The following DUOXA1 variants were observed in gnomAD, a reference collection of about 807,000 sequenced individuals.
DUOXA1 encodes the protein dual oxidase activator 1.
Under a neutral mutation model 26.6 loss-of-function variants are expected in DUOXA1, and 19 were observed. The observed-to-expected ratio is 0.71, with a 90% CI of 0.50 to 1.05. DUOXA1 has a LOEUF of 1.05. Among genes scored for constraint, DUOXA1 ranks in the 50% least tolerant of loss-of-function variants. The pLI is 0.00. For synonymous variants in DUOXA1, 166 were observed against 177.0 expected (o/e 0.94, Z 0.49); for missense variants, 403 against 427.5 (o/e 0.94, Z 0.51).
chr15:45,120,430 G>T, intron 7 of DUOXA1, 110 bp from the exon 8 acceptor site: 11 of 1,479,222 alleles, frequency 7.4e-6, no homozygotes, highest in Non-Finnish European at 1.0e-5. Flanking sequence ...AAAGATATGA[G>T]GTAGGGATTC....
chr15:45,129,784 GC>G lies in DUOXA1; in HGVS notation c.-303+67del, dbSNP rs1317460881. 2 of 152,182 alleles carry G rather than the reference GC, an allele frequency of 1.3e-5. No individual in the cohort carries two copies. The highest frequency in any genetic ancestry group is 4.8e-5 in the African/African-American group (2 of 41,404). The allele number at this position is 152,182 out of a possible 1,614,324, so 9.4% of individuals were successfully genotyped here. ...TGCTTTTTTCGCCGTCCACACAACC[GC>G]ACTAGCCGGGCCTTCGGCACCGACG... On this transcript the variant is annotated intron_variant, in intron 1 of 8. Coordinates refer to ENST00000560572, the MANE Select transcript of DUOXA1 (RefSeq NM_001276266.2). The surrounding 1 kb of genome is among the most constrained non-coding windows in gnomAD (Gnocchi z 4.1).
chr15:45,121,324 T>C, intron 5 of DUOXA1, 103 bp from the exon 6 acceptor site: 2 of 1,540,848 alleles, frequency 1.3e-6, no homozygotes, highest in Non-Finnish European at 1.8e-6. Flanking sequence ...GTTTTGGTCA[T>C]AACTGGATAC....
At chr15:45,121,303 G>C in intron 5 of DUOXA1, 82 bp from the exon 6 acceptor site, 1 of 1,596,080 alleles carries the variant, frequency 6.3e-7, no homozygotes, top group Non-Finnish European at 8.6e-7. Context: ...AAATACAAGG[G>C]GTCCATGTCT....
chr15:45,126,522 C>T lies in DUOXA1; in HGVS notation c.-30+2496G>A, dbSNP rs1354492737. Among the ~76,000 whole-genome samples the T allele has an allele frequency of 4.6e-5, 7 of 152,250 alleles. No homozygotes were observed. The East Asian group carries it at 1.2e-3, about 25-fold the overall frequency. Reference sequence around the variant, plus strand: ...CCAATGTAGAGGTTCCCACTTTGAACATTCTGATTGCATTTTGAACATACC... The same window carrying T: ...CCAATGTAGAGGTTCCCACTTTGAATATTCTGATTGCATTTTGAACATACC... On this transcript the variant is annotated intron_variant, in intron 3 of 8. Transcript: ENST00000560572.
intron 3 of DUOXA1, among the ~76,000 whole-genome samples, chr15:45,126,054 A>G (rs16977750): frequency 0.015 from 2,347 of 152,270 alleles, 55 homozygotes; most frequent in East Asian, 0.11. Flanking sequence ...CCACTGGTCA[A>G]TCAAATAAGC....
Position 45,118,469 on chromosome 15 carries a change from AG to A in DUOXA1, c.*636del. On this transcript the variant is annotated 3_prime_UTR_variant, in exon 9 of 9. Transcript: ENST00000560572. ...TGAGGTGGTGTTTGAGGGCCAAGGT[AG>A]GTGTCAGCAAGGCATAGAAAGATAA... is the stretch of plus-strand genomic sequence containing the variant. 8.9e-6 allele frequency: 9 copies of A among 1,008,592 alleles called. No individual in the cohort carries two copies. The highest frequency in any genetic ancestry group is 1.1e-5 in the Non-Finnish European group (9 of 845,242). The allele number at this position is 1,008,592 out of a possible 1,614,324, so 62.5% of individuals were successfully genotyped here.
chr15:45,126,781 T>C (rs887408150), intron 3 of DUOXA1, among the ~76,000 whole-genome samples: 2 of 152,264 alleles, frequency 1.3e-5, no homozygotes, highest in Non-Finnish European at 1.5e-5. Context: ...TGCCCTGTGC[T>C]AATAATTCAA....
Position 45,120,776 on chromosome 15 carries a change from T to C in DUOXA1, c.370A>G (p.Ile124Val), listed in dbSNP as rs753409418. The change falls in exon 7 of 9, where the codon ATC (isoleucine) becomes GTC (valine). Residue 124 changes from isoleucine (I) to valine (V), a missense_variant. Coordinates refer to ENST00000560572, the MANE Select transcript of DUOXA1 (RefSeq NM_001276266.2). ...CAGGTGAACTCCTCGTTGTAATTGA[T>C]GGTCTCATTCAGCTGCTGCACGGGG... ...GTPVQQLNET[I>V]NYNEEFTWRL... 1.2e-6 allele frequency: 2 copies of C among 1,614,074 alleles called. No individual in the cohort carries two copies. The highest frequency in any genetic ancestry group is 1.3e-5 in the African/African-American group (1 of 75,002).
At chr15:45,122,772 CTCCT>C in intron 4 of DUOXA1, 92 bp downstream of exon 4, 1 of 1,438,768 alleles carries the variant, frequency 7.0e-7, no homozygotes. Context: ...GCACTGGGGT[CTCCT>C]TCCTTAGCCT....
chr15:45,124,146 TA>T (rs1369022783), intron 3 of DUOXA1, among the ~76,000 whole-genome samples: 1 of 152,234 alleles, frequency 6.6e-6, no homozygotes, highest in Non-Finnish European at 1.5e-5. Flanking sequence ...CTCCATAATT[TA>T]GTCTGACCAC....
chr15:45,119,651 C>A (rs1165170747), intron 8 of DUOXA1, among the ~76,000 whole-genome samples: 4 of 151,870 alleles, frequency 2.6e-5, no homozygotes, highest in Admixed American at 6.6e-5. Context: ...AAGAAAAAAA[C>A]CCTGGGGAAG....
chr15:45,119,316 C>T lies in DUOXA1; in HGVS notation c.822G>A (p.Met274Ile). The T allele has an allele frequency of 6.2e-7, 1 of 1,613,790 alleles. No homozygotes were observed. The highest frequency in any genetic ancestry group is 1.7e-5 in the Admixed American group (1 of 60,006). The change falls in exon 9 of 9, where the codon ATG becomes ATA. Residue 274 changes from methionine (M) to isoleucine (I), a missense_variant. Transcript: ENST00000560572. ...LGLAMAVAHR[M>I]QPHRLKAFFN... ...AGAAAGCCTTCAGCCTGTGAGGCTGCATCCTGTGGGCCACCGCCATAGCCA... is the reference window on the plus strand; with the variant it reads ...AGAAAGCCTTCAGCCTGTGAGGCTGTATCCTGTGGGCCACCGCCATAGCCA...
chr15:45,125,242 AT>A (rs1895578940), intron 3 of DUOXA1, among the ~76,000 whole-genome samples: 1 of 152,132 alleles, frequency 6.6e-6, no homozygotes, highest in African/African-American at 2.4e-5. Context: ...TATTCTGCGA[AT>A]CCATCCTCCT....
At chr15:45,122,136 G>A in intron 5 of DUOXA1, 49 bp downstream of exon 5, 1 of 1,558,986 alleles carries the variant, frequency 6.4e-7, no homozygotes. Flanking sequence ...TGCTGAGGGA[G>A]TTGAAGGGAT....
chr15:45,123,136 G>A, intron 3 of DUOXA1, 93 bp from the exon 4 acceptor site: 1 of 1,273,392 alleles, frequency 7.9e-7, no homozygotes, highest in Non-Finnish European at 1.0e-6. Context: ...AGCCAGACTA[G>A]GTTCCTCTTC....
intron 3 of DUOXA1, among the ~76,000 whole-genome samples, chr15:45,125,404 G>T (rs1357614796): frequency 3.2e-4 from 48 of 152,070 alleles, no homozygotes; most frequent in Non-Finnish European, 4.4e-5. Context: ...CACAAAAAAA[G>T]AACCTTCTCC....
chr15:45,121,505 G>A (rs949547328), intron 5 of DUOXA1, among the ~76,000 whole-genome samples: 2 of 152,186 alleles, frequency 1.3e-5, no homozygotes, highest in Non-Finnish European at 2.9e-5. Flanking sequence ...CAAGGCAAAC[G>A]CAGATAGCTT....
Position 45,117,591 on chromosome 15 carries a change from CT to C in DUOXA1, c.*1514del, listed in dbSNP as rs1343774720. 1 of 1,612,110 alleles carries C rather than the reference CT, an allele frequency of 6.2e-7. No individual in the cohort carries two copies. Among genetic ancestry groups the C allele is most frequent in the Non-Finnish European group, 8.5e-7 (1 of 1,179,100 alleles). On this transcript the variant is annotated 3_prime_UTR_variant, in exon 9 of 9. Transcript: ENST00000560572. ...ATGGAAGAAGGCCCGGGCATCACGC[CT>C]GTAATCCCAGCACTTTGGGAGGTCG...
At position 45,118,312 on chromosome 15, in the gene DUOXA1, G is replaced by A. The variant is rs1853678173; in HGVS notation, c.*794C>T. On this transcript the variant is annotated 3_prime_UTR_variant, in exon 9 of 9. Coordinates refer to ENST00000560572, the MANE Select transcript of DUOXA1 (RefSeq NM_001276266.2). ...GCATCTTTCTGAACCACCCCAGGGG[G>A]ACGTTAGGTGGCAGTGATGAGGCAG... 1 of 1,246,254 alleles carries A rather than the reference G, an allele frequency of 8.0e-7. No homozygotes were observed. Among genetic ancestry groups the A allele is most frequent in the African/African-American group, 1.5e-5 (1 of 65,206 alleles). 77.2% of individuals were successfully genotyped at this position (1,246,254 alleles called of 1,614,324 possible). A position where few individuals can be genotyped will look rare whatever the true frequency, so the allele number is the denominator to read the frequency against.
Sources: allele counts gnomAD v4.1 joint callset (sites outside exome capture counted in the v4.1 genomes callset), GRCh38; gene constraint gnomAD v4.1.1; non-coding constraint Gnocchi (gnomAD v3.1); transcripts MANE v1.5; gene names NCBI Gene and HGNC (gene_info 2026-07-23, HGNC 2026-07-21).